Variants in RASGEF1A observed in about 807,000 individuals in gnomAD.
RASGEF1A encodes the protein RasGEF domain family member 1A.
In RASGEF1A, 18 loss-of-function variants were observed where a neutral mutation model predicts 56.4. The observed-to-expected ratio is 0.32, with a 90% CI of 0.22 to 0.47. The LOEUF is 0.47. Among genes scored for constraint, RASGEF1A ranks in the 20% least tolerant of loss-of-function variants. The pLI is 1.00. For synonymous variants in RASGEF1A, 245 were observed against 242.6 expected (o/e 1.01, Z -0.09); for missense variants, 422 against 627.1 (o/e 0.67, Z 3.49).
At chr10:43,200,133 G>A (rs1839869582) in intron 6 of RASGEF1A, 49 bp downstream of exon 6, 1 of 1,470,582 alleles carries the variant, frequency 6.8e-7, no homozygotes, top group Non-Finnish European at 9.3e-7. Context: ...GAGCGCAAGT[G>A]CTGGGCAGAC....
At chr10:43,221,772 G>A (rs1400016281) in intron 1 of RASGEF1A, among the ~76,000 whole-genome samples, 3 of 152,254 alleles carry the variant, frequency 2.0e-5, no homozygotes, top group Non-Finnish European at 4.4e-5. Context: ...ACCAATGAGT[G>A]GCGTAGGCAG....
In RASGEF1A at chr10:43,200,566, G is replaced by C. The variant is rs1002279164; in HGVS notation, c.681+101C>G. On this transcript the variant is annotated intron_variant, in intron 5 of 12. Transcript: ENST00000395810. ...TCAGGGCTGGCAAGCGCACTTCCCT[G>C]ATGGCTCAGTGTGACTAGCAGGGGC... The C allele has an allele frequency of 2.8e-6, 3 of 1,085,862 alleles. No homozygotes were observed. The East Asian group carries it at 7.5e-5, about 27-fold the overall frequency. The allele number at this position is 1,085,862 out of a possible 1,614,324, so 67.3% of individuals were successfully genotyped here.
intron 1 of RASGEF1A, among the ~76,000 whole-genome samples, chr10:43,254,176 C>T (rs1840658945): frequency 6.6e-6 from 1 of 152,182 alleles, no homozygotes; most frequent in Non-Finnish European, 1.5e-5. Context: ...CTGCAGGAAA[C>T]CCTGGAGCCA....
intron 1 of RASGEF1A, chr10:43,209,282 C>T (rs1840034618): frequency 2.2e-6 from 2 of 906,956 alleles, no homozygotes; most frequent in South Asian, 5.1e-5. Context: ...TCCCAGAGAA[C>T]CCGTTATTCC....
At chr10:43,208,738 C>G in intron 1 of RASGEF1A, 1 of 985,576 alleles carries the variant, frequency 1.0e-6, no homozygotes, top group Non-Finnish European at 1.2e-6. Flanking sequence ...GGGGGATGCC[C>G]CATGAGCCCC....
chr10:43,215,925 C>T (rs1041919319), intron 1 of RASGEF1A, among the ~76,000 whole-genome samples: 1 of 152,138 alleles, frequency 6.6e-6, no homozygotes, highest in Non-Finnish European at 1.5e-5. Flanking sequence ...AGGCCTCAGC[C>T]GACTGGAAGG....
intron 1 of RASGEF1A, among the ~76,000 whole-genome samples, chr10:43,218,380 G>A (rs1054662216): frequency 6.6e-6 from 1 of 152,268 alleles, no homozygotes; most frequent in Non-Finnish European, 1.5e-5. Context: ...GCACTGTCCT[G>A]TCCCAGGCAT....
chr10:43,230,046 C>T (rs1050104409), intron 1 of RASGEF1A, among the ~76,000 whole-genome samples: 11 of 151,666 alleles, frequency 7.3e-5, no homozygotes, highest in Non-Finnish European at 2.9e-5. Context: ...TCGGCCGTGC[C>T]GGGGGTCGGT....
chr10:43,205,987 G>A lies in RASGEF1A; in HGVS notation c.130C>T (p.His44Tyr), dbSNP rs1304815523. The A allele has an allele frequency of 2.0e-5, 32 of 1,612,992 alleles. No individual in the cohort carries two copies. The highest frequency in any genetic ancestry group is 6.6e-5 in the South Asian group (6 of 91,066). ...GSGDLIFQDG[H>Y]LISGSLEALM... ...GCCTCCAGGGACCCAGAGATGAGGT[G>A]TCCATCTTGGAAGATGAGGTCCCCG... is the stretch of plus-strand genomic sequence containing the variant. The change falls in exon 2 of 13, where the codon CAC (histidine) becomes TAC (tyrosine). Residue 44 changes from histidine to tyrosine, a missense_variant. By Grantham distance (83) the His-to-Tyr change is moderately conservative (BLOSUM62 2). Around this residue, in one of 2 missense-constraint regions of RASGEF1A, gnomAD observed 273 missense variants for 339.9 expected, o/e 0.80. Coordinates refer to ENST00000395810, the MANE Select transcript of RASGEF1A (RefSeq NM_145313.4).
chr10:43,260,844 A>G (rs1836515408), intron 1 of RASGEF1A, among the ~76,000 whole-genome samples: 1 of 152,212 alleles, frequency 6.6e-6, no homozygotes, highest in Non-Finnish European at 1.5e-5. Context: ...TGTTTCTTTG[A>G]CCCATCATTC....
Position 43,200,828 on chromosome 10 carries a change from C to G in RASGEF1A, c.520G>C (p.Ala174Pro). 1 of 1,613,988 alleles carries G rather than the reference C, an allele frequency of 6.2e-7. No homozygotes were observed. Among genetic ancestry groups the G allele is most frequent in the Non-Finnish European group, 8.5e-7 (1 of 1,180,024 alleles). Residue 174 changes from alanine to proline, a missense_variant, in exon 5 of 13, where the codon GCT (alanine) becomes CCT (proline). Coordinates refer to ENST00000395810, the MANE Select transcript of RASGEF1A (RefSeq NM_145313.4). Reference sequence around the variant, plus strand: ...AGTTCCTGGAGCTGGCTCCGGGCAGCCAAGGACAGCAACAGGCTCTGTGTC... The same window carrying G: ...AGTTCCTGGAGCTGGCTCCGGGCAGGCAAGGACAGCAACAGGCTCTGTGTC... The part of the protein sequence containing the change: ...QMTQSLLLSL[A>P]ARSQLQELRE...
At chr10:43,248,864 GA>G (rs1436244321) in intron 1 of RASGEF1A, among the ~76,000 whole-genome samples, 11 of 151,514 alleles carry the variant, frequency 7.3e-5, no homozygotes, top group Middle Eastern at 3.4e-3. Context: ...TGGGCCTCAT[GA>G]AGCATAAATG....
At chr10:43,259,947 T>G (rs12764513) in intron 1 of RASGEF1A, among the ~76,000 whole-genome samples, 22,724 of 151,818 alleles carry the variant, frequency 0.15, 1,804 homozygotes, top group Admixed American at 0.19. Context: ...CTCGGAGAGA[T>G]GAAGGGAGGC....
At chr10:43,203,847 G>A (rs893276454) in intron 2 of RASGEF1A, 15 of 917,524 alleles carry the variant, frequency 1.6e-5, no homozygotes, top group Non-Finnish European at 2.0e-5. Flanking sequence ...ATGCAGGGAG[G>A]TTGGCACAGG....
intron 1 of RASGEF1A, among the ~76,000 whole-genome samples, chr10:43,227,335 G>A (rs927934948): frequency 3.9e-5 from 6 of 152,130 alleles, no homozygotes; most frequent in African/African-American, 1.4e-4. Flanking sequence ...GTGTCTGTGA[G>A]TATGTGACCC....
chr10:43,260,125 C>T (rs1407230878), intron 1 of RASGEF1A, among the ~76,000 whole-genome samples: 1 of 152,206 alleles, frequency 6.6e-6, no homozygotes, highest in East Asian at 1.9e-4. Flanking sequence ...CAGTGAAACG[C>T]CCAGCAGAGC....
At chr10:43,218,036 T>C (rs955572078) in intron 1 of RASGEF1A, among the ~76,000 whole-genome samples, 2 of 152,158 alleles carry the variant, frequency 1.3e-5, no homozygotes, top group African/African-American at 4.8e-5. Context: ...CCACCCCAGC[T>C]GGGAGCCGGC....
At chr10:43,210,759 C>T (rs1392382609) in intron 1 of RASGEF1A, among the ~76,000 whole-genome samples, 6 of 152,348 alleles carry the variant, frequency 3.9e-5, no homozygotes, top group South Asian at 4.1e-4. Context: ...TAGGCACAGA[C>T]GGGGCCGGGG....
At chr10:43,202,053 C>G in intron 3 of RASGEF1A, 108 bp from the exon 4 acceptor site, 6 of 1,264,496 alleles carry the variant, frequency 4.7e-6, no homozygotes, top group Non-Finnish European at 5.3e-6. Flanking sequence ...AGGCCCTGTG[C>G]TGGGCACAGC....
Sources: gnomAD v4.1 joint callset for allele counts (sites outside exome capture counted in the v4.1 genomes callset) on GRCh38, gnomAD v4.1.1 for gene constraint, gnomAD v4.1.1 regional missense constraint, MANE v1.5 for transcripts, NCBI Gene and HGNC (gene_info 2026-07-23, HGNC 2026-07-21) for gene names.